Variants in WDPCP observed in about 807,000 individuals in gnomAD.
WDPCP encodes WD repeat containing planar cell polarity effector.
In WDPCP, 71 loss-of-function variants were observed where a neutral mutation model predicts 93.1. That is an observed-to-expected ratio of 0.76 (90% CI 0.63 to 0.93). The LOEUF is 0.93. Ranked by LOEUF, WDPCP falls within the 40% of genes least tolerant of loss-of-function variation. The probability of loss-of-function intolerance (pLI) is 0.00; values close to 1 mark genes in which losing one functional copy is unlikely to be tolerated. For synonymous variants in WDPCP, 315 were observed against 315.0 expected, an observed-to-expected ratio of 1.00 and a Z score of 0.00; for missense variants, 844 against 887.4, an observed-to-expected ratio of 0.95 and a Z score of 0.62.
At chr2:63,544,138 C>G (rs1704962228) in intron 1 of WDPCP, among the ~76,000 whole-genome samples, 1 of 152,070 alleles carries the variant, frequency 6.6e-6, no homozygotes, top group Non-Finnish European at 1.5e-5. Flanking sequence ...TTTCTTCAAA[C>G]TATAATTTTA....
rs748871007 is a variant in WDPCP, at chr2:63,484,644, C to T, written c.344G>A (p.Arg115Gln). ...GTTCTTCCATTTGCTCAGCACACAC[C>T]GACTGTTTTGCATCAGCTCCTGAAG... ...KELEELMQNS[R>Q]CVLSKWKNKY... is the part of the protein sequence containing the mutation. The change falls in exon 6 of 18, where the codon CGG (arginine) becomes CAG (glutamine). Residue 115 changes from arginine to glutamine, a missense_variant. Coordinates refer to ENST00000272321, the MANE Select transcript of WDPCP (RefSeq NM_015910.7). The T allele has an allele frequency of 5.0e-6, 8 of 1,612,812 alleles. No individual in the cohort carries two copies. The highest frequency in any genetic ancestry group is 3.3e-5 in the South Asian group (3 of 91,054).
In WDPCP at chr2:63,818,116, G is replaced by C. The variant is rs115343645; in HGVS notation, n.223-4409C>G. On this transcript the variant is annotated intron_variant and non_coding_transcript_variant, in intron 1 of 4. Transcript: ENST00000467687. ...CAGAGTAATGAAAGAGAATTGGCGAGTAATGAAAGAGAATTGGCAACCAAT... is the reference window on the plus strand; with the variant it reads ...CAGAGTAATGAAAGAGAATTGGCGACTAATGAAAGAGAATTGGCAACCAAT... Among the ~76,000 whole-genome samples, 1,443 of 152,298 alleles carry C rather than the reference G, an allele frequency of 9.5e-3. 22 individuals are homozygous for C. Among genetic ancestry groups the C allele is most frequent in the African/African-American group, 0.034 (1,397 of 41,554 alleles).
At chr2:63,246,653 G>C (rs919569821) in intron 14 of WDPCP, among the ~76,000 whole-genome samples, 1 of 152,172 alleles carries the variant, frequency 6.6e-6, no homozygotes, top group South Asian at 2.1e-4. Context: ...ACAGTTGTGC[G>C]TGACTGGCAC....
intron 1 of WDPCP, among the ~76,000 whole-genome samples, chr2:63,494,845 G>A (rs1393513239): frequency 2.0e-5 from 3 of 151,636 alleles, no homozygotes; most frequent in East Asian, 3.9e-4. Flanking sequence ...GCGTGAACGC[G>A]GGAGGCGGAG....
intron 2 of WDPCP, among the ~76,000 whole-genome samples, chr2:63,773,007 T>C (rs1670251117): frequency 6.6e-6 from 1 of 152,028 alleles, no homozygotes; most frequent in South Asian, 2.1e-4. Context: ...CTGTTATTAC[T>C]CACAGATGAT....
chr2:63,633,111 A>G (rs1709881907), intron 3 of WDPCP, among the ~76,000 whole-genome samples: 1 of 152,174 alleles, frequency 6.6e-6, no homozygotes, highest in Non-Finnish European at 1.5e-5. Context: ...AATCAAAAAT[A>G]TTTTACCCTG....
intron 9 of WDPCP, among the ~76,000 whole-genome samples, chr2:63,409,214 C>A (rs1278426350): frequency 6.6e-6 from 1 of 152,202 alleles, no homozygotes; most frequent in African/African-American, 2.4e-5. Flanking sequence ...AGATGGTTCA[C>A]ATCACAGGAC....
At chr2:63,201,365 T>A (rs1175400316) in intron 14 of WDPCP, among the ~76,000 whole-genome samples, 1 of 152,140 alleles carries the variant, frequency 6.6e-6, no homozygotes, top group South Asian at 2.1e-4. Context: ...AATGTGAGAA[T>A]GGACAAATAC....
chr2:63,405,534 TGTGTG>T (rs1694501050), intron 9 of WDPCP, among the ~76,000 whole-genome samples: 1 of 19,216 alleles, frequency 5.2e-5, no homozygotes, highest in African/African-American at 1.5e-4. Context: ...TTTGGTATAG[TGTGTG>T]TGTGTGTGTG....
At chr2:63,494,988 G>C (rs1311158438) in intron 1 of WDPCP, among the ~76,000 whole-genome samples, 1 of 151,454 alleles carries the variant, frequency 6.6e-6, no homozygotes, top group African/African-American at 2.4e-5. Flanking sequence ...ACAGTGGATA[G>C]TGATAGGTGA....
chr2:63,425,870 C>T (rs1456228292), intron 9 of WDPCP, among the ~76,000 whole-genome samples: 1 of 152,138 alleles, frequency 6.6e-6, no homozygotes, highest in Non-Finnish European at 1.5e-5. Context: ...TCAAGAAATA[C>T]AGAGAACCCA....
chr2:63,690,516 G>T (rs1344259096), intron 2 of WDPCP, among the ~76,000 whole-genome samples: 1 of 152,074 alleles, frequency 6.6e-6, no homozygotes, highest in Non-Finnish European at 1.5e-5. Flanking sequence ...GCACTTTGGA[G>T]GCTGAAATGG....
chr2:63,810,551 C>T (rs1670849216), intron 2 of WDPCP, among the ~76,000 whole-genome samples: 1 of 152,114 alleles, frequency 6.6e-6, no homozygotes, highest in Non-Finnish European at 1.5e-5. Context: ...CAGTGGGAGT[C>T]AAGTTTCTGA....
chr2:63,643,238 G>T, intron 3 of WDPCP: 1 of 255,514 alleles, frequency 3.9e-6, no homozygotes, highest in South Asian at 5.5e-5. Context: ...AGTACAAAAA[G>T]CTTTCTAACA....
chr2:63,420,570 A>G (rs367576184), intron 9 of WDPCP, among the ~76,000 whole-genome samples: 2 of 151,848 alleles, frequency 1.3e-5, no homozygotes, highest in African/African-American at 4.8e-5. Flanking sequence ...AATATCATAG[A>G]TAAAGTTAAG....
intron 13 of WDPCP, among the ~76,000 whole-genome samples, chr2:63,268,447 A>C (rs1213623763): frequency 1.3e-5 from 2 of 151,962 alleles, no homozygotes; most frequent in Admixed American, 6.6e-5. Flanking sequence ...TATATTTCAA[A>C]ATAGATTTTT....
Position 63,575,147 on chromosome 2 carries a change from G to C in WDPCP, c.75+13050C>G, listed in dbSNP as rs551470443. Among the ~76,000 whole-genome samples, 4 of 151,382 alleles carry C rather than the reference G, an allele frequency of 2.6e-5. No homozygotes were observed. In the South Asian group the frequency reaches 8.4e-4, roughly 32 times the overall value. The stretch of plus-strand genomic sequence containing the variant: ...CATGGCAAAGGAGGGCTGCCTAGGG[G>C]ACAACTACCATAACAAAACAGACTT... On this transcript the variant is annotated intron_variant, in intron 1 of 17. Coordinates refer to ENST00000272321, the MANE Select transcript of WDPCP (RefSeq NM_015910.7).
chr2:63,183,785 T>G (rs1387180941), intron 14 of WDPCP, among the ~76,000 whole-genome samples: 3 of 152,144 alleles, frequency 2.0e-5, no homozygotes, highest in Admixed American at 2.0e-4. Context: ...AATATTTGTT[T>G]TGTGACTCTG....
chr2:63,150,924 G>A (rs1219912157), intron 17 of WDPCP, among the ~76,000 whole-genome samples: 2 of 152,176 alleles, frequency 1.3e-5, no homozygotes, highest in Non-Finnish European at 2.9e-5. Flanking sequence ...GTTATAATCT[G>A]TATCTTATCT....
Sources: allele counts gnomAD v4.1 joint callset (sites outside exome capture counted in the v4.1 genomes callset), GRCh38; gene constraint gnomAD v4.1.1; transcripts MANE v1.5; gene names NCBI Gene and HGNC (gene_info 2026-07-23, HGNC 2026-07-21).